The following TG variants were observed in gnomAD, a reference collection of about 807,000 sequenced individuals.
TG encodes thyroglobulin.
A neutral mutation model predicts 324.7 loss-of-function variants in TG; 270 were observed. The ratio of observed to expected loss-of-function variants is 0.83; its 90% CI spans 0.75 to 0.92. The LOEUF is 0.92. TG is among the 40% of genes least tolerant of loss of function. The probability of loss-of-function intolerance (pLI) is 0.00; values close to 1 mark genes in which losing one functional copy is unlikely to be tolerated. For missense variants in TG, 3,591 were observed against 3,456.4 expected, an observed-to-expected ratio of 1.04 and a Z score of -0.98; for synonymous variants, 1,401 against 1,327.0, an observed-to-expected ratio of 1.06 and a Z score of -1.21.
chr8:132,971,768 G>C (rs374627405), intron 32 of TG, 26 bp from the exon 33 acceptor site: 235 of 1,574,194 alleles, frequency 1.5e-4, no homozygotes, highest in Non-Finnish European at 8.8e-5. Flanking sequence ...AAACCTTCAG[G>C]CCTGCTCTTT....
intron 41 of TG, among the ~76,000 whole-genome samples, chr8:133,070,829 G>A (rs1397912678): frequency 1.3e-5 from 2 of 152,208 alleles, no homozygotes; most frequent in African/African-American, 4.8e-5. Context: ...CCCCGCTCCT[G>A]ACCGTGGTGA....
chr8:132,883,631 G>A (rs1302659157), intron 8 of TG, among the ~76,000 whole-genome samples: 1 of 152,124 alleles, frequency 6.6e-6, no homozygotes, highest in Admixed American at 6.5e-5. Context: ...AAGGCTTGGG[G>A]GCTTCATCCT....
chr8:132,915,244 A>G (rs989041740), intron 20 of TG, among the ~76,000 whole-genome samples: 8 of 152,172 alleles, frequency 5.3e-5, no homozygotes, highest in African/African-American at 1.9e-4. Flanking sequence ...CAGCCAGAGA[A>G]GGAGGTAAAG....
chr8:132,883,920 G>T (rs1321941618), intron 8 of TG, among the ~76,000 whole-genome samples: 1 of 152,140 alleles, frequency 6.6e-6, no homozygotes, highest in Non-Finnish European at 1.5e-5. Context: ...GGTGTCAGCG[G>T]GGCCGTGCTC....
chr8:132,908,244 G>A lies in TG; in HGVS notation c.3906G>A (p.Pro1302=), dbSNP rs2294003. The part of the protein sequence containing the change: ...TQGHFQLQLP[P]GKMCSADYAD... ...GGCACTTTCAGCTCCAGCTCCCGCC[G>A]GGCAAGATGTGCAGTGCTGACTACG... is the stretch of plus-strand genomic sequence containing the variant. The change falls in exon 18 of 48, where the codon CCG becomes CCA. Residue 1302 remains proline (P), a synonymous_variant. Coordinates refer to ENST00000220616, the MANE Select transcript of TG (RefSeq NM_003235.5). 4,441 of 1,613,958 alleles carry A rather than the reference G, an allele frequency of 2.8e-3. 78 individuals are homozygous for A. The highest frequency in any genetic ancestry group is 0.018 in the East Asian group (827 of 44,842).
chr8:133,009,060 C>T (rs1180340568), intron 35 of TG, among the ~76,000 whole-genome samples: 2 of 152,098 alleles, frequency 1.3e-5, no homozygotes, highest in Non-Finnish European at 2.9e-5. Flanking sequence ...TGGCTCCAGG[C>T]CCTGGAATGG....
chr8:132,872,792 A>G (rs1365250390), intron 4 of TG, among the ~76,000 whole-genome samples: 1 of 152,170 alleles, frequency 6.6e-6, no homozygotes, highest in Admixed American at 6.5e-5. Context: ...TTGTCTTACA[A>G]TTGCCTACAG....
At chr8:132,902,456 A>G (rs1818064012) in intron 16 of TG, among the ~76,000 whole-genome samples, 1 of 152,074 alleles carries the variant, frequency 6.6e-6, no homozygotes, top group Non-Finnish European at 1.5e-5. Context: ...GTTGCTTTCC[A>G]GTTTTGTCTG....
At chr8:133,081,947 CA>C (rs1845819279) in intron 41 of TG, among the ~76,000 whole-genome samples, 1 of 152,214 alleles carries the variant, frequency 6.6e-6, no homozygotes, top group East Asian at 1.9e-4. Flanking sequence ...AGGAAACAGG[CA>C]TCTCATTTCT....
intron 27 of TG, among the ~76,000 whole-genome samples, chr8:132,957,757 A>C (rs1390029108): frequency 1.6e-5 from 2 of 126,584 alleles, no homozygotes; most frequent in Non-Finnish European, 3.2e-5. Flanking sequence ...ACACACACAC[A>C]CACACACACA....
Position 132,963,056 on chromosome 8 carries a change from G to C in TG, c.5530G>C (p.Ala1844Pro). Residue 1844 changes from alanine (A) to proline (P), a missense_variant, in exon 29 of 48, where the codon GCA becomes CCA. Physicochemically the swap from Ala to Pro is conservative, Grantham distance 27 (BLOSUM62 -1). Coordinates refer to ENST00000220616, the MANE Select transcript of TG (RefSeq NM_003235.5). The stretch of plus-strand genomic sequence containing the variant: ...TAGAAAAGACACAGTGCCAAGGCCA[G>C]CATCTCCAACAGAAGCAGGTACTGA... ...GCRKDTVPRP[A>P]SPTEAGLTTE... is the part of the protein sequence containing the mutation. 2.5e-6 allele frequency: 4 copies of C among 1,614,020 alleles called. No homozygotes were observed. The East Asian group carries it at 6.7e-5, about 27-fold the overall frequency.
rs143647619 is a variant in TG, at chr8:132,867,066, C to A, written c.66C>A (p.Phe22Leu). ...TCTGCTGGGTGTCGGCCAATATCTT[C>A]GGTAAGTTCTGAGGCCATGGAGCCA... ...ASICWVSANI[F>L]EYQVDAQPLR... Residue 22 changes from phenylalanine to leucine, a missense_variant and splice_region_variant, in exon 1 of 48, where the codon TTC becomes TTA. By Grantham distance (22) the Phe-to-Leu change is conservative. Coordinates refer to ENST00000220616, the MANE Select transcript of TG (RefSeq NM_003235.5). The A allele has an allele frequency of 1.3e-6, 2 of 1,597,480 alleles. No homozygotes were observed. Among genetic ancestry groups the A allele is most frequent in the African/African-American group, 2.7e-5 (2 of 74,752 alleles).
intron 25 of TG, among the ~76,000 whole-genome samples, chr8:132,936,516 G>A (rs1823615179): frequency 6.6e-6 from 1 of 152,230 alleles, no homozygotes; most frequent in Admixed American, 6.5e-5. Context: ...ACTTTGAGTA[G>A]CAAGCTGTGT....
chr8:132,891,664 C>A (rs1310884161), intron 10 of TG, among the ~76,000 whole-genome samples: 1 of 152,072 alleles, frequency 6.6e-6, no homozygotes, highest in Admixed American at 6.6e-5. Flanking sequence ...TCTTATGTGC[C>A]CAGTTGTAGA....
chr8:133,128,931 ACCAGGGCCAC>A (rs922774065), intron 45 of TG, among the ~76,000 whole-genome samples: 5 of 152,190 alleles, frequency 3.3e-5, no homozygotes, highest in African/African-American at 1.2e-4. Context: ...GTCTGCGAGC[ACCAGGGCCAC>A]TCAGTTGAGT....
intron 43 of TG, among the ~76,000 whole-genome samples, chr8:133,097,507 A>G (rs1230778959): frequency 1.3e-5 from 2 of 152,266 alleles, no homozygotes; most frequent in Non-Finnish European, 2.9e-5. Flanking sequence ...AGCTAGATTT[A>G]TCTCTACTGG....
chr8:133,015,743 A>G (rs559268562), intron 37 of TG, among the ~76,000 whole-genome samples: 15 of 152,274 alleles, frequency 9.9e-5, no homozygotes, highest in Admixed American at 3.9e-4. Context: ...AGACCCCTTG[A>G]TTTATGATTG....
chr8:133,132,668 C>G (rs1192083744), intron 46 of TG, among the ~76,000 whole-genome samples: 1 of 152,164 alleles, frequency 6.6e-6, no homozygotes, highest in African/African-American at 2.4e-5. Context: ...CATGACCCAG[C>G]TACCAGCTAC....
At position 132,930,773 on chromosome 8, in the gene TG, C is replaced by T. The variant is rs368671895; in HGVS notation, c.4816+1581C>T. Among the ~76,000 whole-genome samples the T allele has an allele frequency of 5.1e-4, 77 of 151,910 alleles. 1 individual carries two copies. Among genetic ancestry groups the T allele is most frequent in the African/African-American group, 1.7e-3 (70 of 41,426 alleles). On this transcript the variant is annotated intron_variant, in intron 23 of 47. Coordinates refer to ENST00000220616, the MANE Select transcript of TG (RefSeq NM_003235.5). ...GGGAGTGAGGCAAGCAGGGAAAACA[C>T]GTCCATCTGTTCATGTCCAGAGATG...
Sources: gnomAD v4.1 joint callset for allele counts (sites outside exome capture counted in the v4.1 genomes callset) on GRCh38, gnomAD v4.1.1 for gene constraint, MANE v1.5 for transcripts, NCBI Gene and HGNC (gene_info 2026-07-23, HGNC 2026-07-21) for gene names.